Variants in ANK2 observed in about 807,000 individuals in gnomAD.
ANK2 encodes the protein ankyrin 2.
ANK2 carries 83 observed loss-of-function variants against 360.5 expected under a neutral mutation model. The observed-to-expected ratio is 0.23, with a 90% CI of 0.19 to 0.28. The LOEUF is 0.28. ANK2 is among the 10% of genes least tolerant of loss of function. ANK2 has a pLI of 1.00. For missense variants in ANK2, 4,201 were observed against 4,795.7 expected (o/e 0.88, Z 3.66); for synonymous variants, 1,740 against 1,759.5 (o/e 0.99, Z 0.28).
intron 1 of ANK2, among the ~76,000 whole-genome samples, chr4:112,829,746 G>A (rs999956806): frequency 1.3e-5 from 2 of 152,008 alleles, no homozygotes; most frequent in African/African-American, 2.4e-5. Context: ...ACAAGGTCAG[G>A]AGATGGAGAC....
chr4:112,990,299 G>A (rs1264417913), intron 2 of ANK2, among the ~76,000 whole-genome samples: 14 of 151,932 alleles, frequency 9.2e-5, no homozygotes, highest in Non-Finnish European at 1.5e-5. Flanking sequence ...AATAATGCAG[G>A]CATTGAGCTA....
intron 2 of ANK2, among the ~76,000 whole-genome samples, chr4:112,951,993 G>C (rs6844138): frequency 0.11 from 17,064 of 152,156 alleles, 1,744 homozygotes; most frequent in African/African-American, 0.27. Flanking sequence ...GACGTGTGAT[G>C]TACCATTGGA....
intron 2 of ANK2, among the ~76,000 whole-genome samples, chr4:113,022,992 T>A (rs575622944): frequency 6.6e-6 from 1 of 152,140 alleles, no homozygotes; most frequent in South Asian, 2.1e-4. Flanking sequence ...ATAGGTTGAG[T>A]GTGATCAGGA....
At chr4:112,827,489 C>T in intron 1 of ANK2, 1 of 1,332,096 alleles carries the variant, frequency 7.5e-7, no homozygotes, top group South Asian at 1.2e-5. Context: ...CTGACAGTCA[C>T]CAAACAGTTG....
intron 26 of ANK2, among the ~76,000 whole-genome samples, chr4:113,327,219 C>T (rs2153899527): frequency 6.6e-6 from 1 of 152,102 alleles, no homozygotes; most frequent in East Asian, 1.9e-4. Flanking sequence ...ATAATTTTAA[C>T]TTCTATTAAA....
intron 1 of ANK2, among the ~76,000 whole-genome samples, chr4:113,090,767 G>T (rs1357900344): frequency 6.6e-6 from 1 of 152,212 alleles, no homozygotes; most frequent in Admixed American, 6.5e-5. Flanking sequence ...TATTGGGCCA[G>T]CATTCCCACT....
chr4:112,795,934 G>A, the ANK2 span, among the ~76,000 whole-genome samples: 1 of 150,740 alleles, frequency 6.6e-6, no homozygotes, highest in Non-Finnish European at 1.5e-5. Context: ...GGAGTAGCTG[G>A]GACTATAGGT....
intron 1 of ANK2, among the ~76,000 whole-genome samples, chr4:113,139,361 T>A (rs900073802): frequency 6.6e-6 from 1 of 152,178 alleles, no homozygotes; most frequent in Non-Finnish European, 1.5e-5. Flanking sequence ...TTACTACAAG[T>A]GTTTATAAAT....
intron 2 of ANK2, among the ~76,000 whole-genome samples, chr4:113,025,725 A>C (rs531818334): frequency 6.6e-6 from 1 of 152,298 alleles, no homozygotes; most frequent in South Asian, 2.1e-4. Flanking sequence ...TTATAAATTT[A>C]AATTGCTAAG....
chr4:112,827,371 G>A, intron 1 of ANK2: 1 of 1,354,900 alleles, frequency 7.4e-7, no homozygotes, highest in Non-Finnish European at 1.1e-6. Context: ...ACAGCATAGA[G>A]ATGCTAATCT....
At chr4:112,749,703 A>G in the ANK2 span, among the ~76,000 whole-genome samples, 1 of 152,200 alleles carries the variant, frequency 6.6e-6, no homozygotes, top group Non-Finnish European at 1.5e-5. Context: ...ATCATAGAAC[A>G]TAACAGTTGC....
intron 45 of ANK2, among the ~76,000 whole-genome samples, chr4:113,377,857 G>A (rs2097011400): frequency 6.6e-6 from 1 of 152,144 alleles, no homozygotes; most frequent in South Asian, 2.1e-4. Flanking sequence ...AATCCATATG[G>A]ATGTTGCTTA....
intron 5 of ANK2, among the ~76,000 whole-genome samples, chr4:113,233,961 T>C (rs2099350834): frequency 6.6e-6 from 1 of 152,192 alleles, no homozygotes; most frequent in Admixed American, 6.5e-5. Context: ...CAGGTAACAA[T>C]ATGAGACTGC....
At chr4:112,780,557 G>A in the ANK2 span, among the ~76,000 whole-genome samples, 1 of 152,060 alleles carries the variant, frequency 6.6e-6, no homozygotes, top group Non-Finnish European at 1.5e-5. Flanking sequence ...TTCATATGTA[G>A]AACAATAGCA....
intron 1 of ANK2, among the ~76,000 whole-genome samples, chr4:112,857,232 A>T (rs1307363568): frequency 6.6e-6 from 1 of 152,220 alleles, no homozygotes; most frequent in Non-Finnish European, 1.5e-5. Context: ...TTTAAAAGAA[A>T]CTTTTAAAGA....
At chr4:113,287,131 A>G (rs1318950417) in intron 18 of ANK2, among the ~76,000 whole-genome samples, 1 of 152,196 alleles carries the variant, frequency 6.6e-6, no homozygotes, top group African/African-American at 2.4e-5. Context: ...GGTGCTGGAG[A>G]AAGTTTTTCT....
intron 2 of ANK2, among the ~76,000 whole-genome samples, chr4:113,183,254 A>G (rs1270580854): frequency 6.6e-6 from 1 of 152,052 alleles, no homozygotes; most frequent in African/African-American, 2.4e-5. Context: ...AGAAGGTGTG[A>G]AATAATAATC....
intron 2 of ANK2, among the ~76,000 whole-genome samples, chr4:112,933,927 A>T (rs957140372): frequency 2.6e-5 from 4 of 151,988 alleles, no homozygotes; most frequent in African/African-American, 9.7e-5. Flanking sequence ...TGAGAAGCAA[A>T]TTGCAAATTT....
intron 2 of ANK2, among the ~76,000 whole-genome samples, chr4:112,979,169 G>T (rs936255042): frequency 6.6e-6 from 1 of 152,194 alleles, no homozygotes. Context: ...TCCCATATCT[G>T]CCAAGGGCGA....
Sources: gnomAD v4.1 joint callset for allele counts (sites outside exome capture counted in the v4.1 genomes callset) on GRCh38, gnomAD v4.1.1 for gene constraint, MANE v1.5 for transcripts, NCBI Gene and HGNC (gene_info 2026-07-23, HGNC 2026-07-21) for gene names.